The following THBS4 variants were observed in gnomAD, a reference collection of about 807,000 sequenced individuals.
THBS4 encodes thrombospondin 4.
A neutral mutation model predicts 115.7 loss-of-function variants in THBS4; 90 were observed. The ratio of observed to expected loss-of-function variants is 0.78; its 90% CI spans 0.66 to 0.93. The LOEUF (loss-of-function observed/expected upper bound fraction) is 0.93. Among genes scored for constraint, THBS4 ranks in the 40% least tolerant of loss-of-function variants. The pLI is 0.00. For missense variants in THBS4, 1,087 were observed against 1,232.7 expected (o/e 0.88, Z 1.77); for synonymous variants, 460 against 479.3 (o/e 0.96, Z 0.53).
intron 3 of THBS4, among the ~76,000 whole-genome samples, chr5:80,057,230 C>CAAAT (rs1361679346): frequency 6.6e-6 from 1 of 152,140 alleles, no homozygotes; most frequent in African/African-American, 2.4e-5. Context: ...TGTTCACCAC[C>CAAAT]AAATAAGTCA....
In THBS4 at chr5:80,040,098, C is replaced by G. The variant is rs1420838536; in HGVS notation, c.110C>G (p.Ser37Cys). The G allele has an allele frequency of 6.2e-7, 1 of 1,614,110 alleles. No individual in the cohort carries two copies. Among genetic ancestry groups the G allele is most frequent in the Non-Finnish European group, 8.5e-7 (1 of 1,180,026 alleles). The change falls in exon 2 of 22, where the codon TCC (serine) becomes TGC (cysteine). Residue 37 changes from serine (S) to cysteine (C), a missense_variant. Ser to Cys is a moderately radical substitution (Grantham distance 112). Around this residue, in one of 3 missense-constraint regions of THBS4, gnomAD observed 979 missense variants for 1,103.7 expected, o/e 0.89. Transcript: ENST00000350881. ...TPQVFDLLPS[S>C]SQRLNPGALL... ...CCAGTCTTTGACCTTCTCCCATCTT[C>G]CAGTCAGAGGCTAAACCCAGGCGCT...
rs749915300 is a variant in THBS4, at chr5:80,073,386, G to GTT, written c.1892+61_1892+62dup. 1.2e-3 allele frequency: 1,703 copies of GTT among 1,381,846 alleles called. 5 individuals carry two copies. Among genetic ancestry groups the GTT allele is most frequent in the East Asian group, 3.0e-3 (111 of 37,536 alleles). 85.6% of individuals were successfully genotyped at this position (1,381,846 alleles called of 1,614,324 possible). A position where few individuals can be genotyped will look rare whatever the true frequency, so the allele number is the denominator to read the frequency against. On this transcript the variant is annotated intron_variant, in intron 15 of 21. Transcript: ENST00000350881. ...TGCAAACATCCGGAGAGGGTTTTTG[G>GTT]TTTGTTTTTTTTTTTGAGGCGGAGT...
At chr5:80,046,731 C>T (rs543227354) in intron 2 of THBS4, among the ~76,000 whole-genome samples, 2 of 151,868 alleles carry the variant, frequency 1.3e-5, no homozygotes, top group African/African-American at 2.4e-5. Context: ...TAAAAAAGAA[C>T]GAGCTAGGTA....
chr5:80,058,493 T>C (rs1364707465), intron 4 of THBS4, among the ~76,000 whole-genome samples, 179 bp downstream of exon 4: 1 of 152,246 alleles, frequency 6.6e-6, no homozygotes, highest in Non-Finnish European at 1.5e-5. Context: ...TATGCTTTTA[T>C]TTTTATGATT....
intron 1 of THBS4, among the ~76,000 whole-genome samples, chr5:80,038,173 A>G (rs1283087339): frequency 1.3e-5 from 2 of 152,218 alleles, no homozygotes; most frequent in Non-Finnish European, 2.9e-5. Flanking sequence ...AAAATAAAAT[A>G]AAAAGAAAAG....
At chr5:80,049,501 A>G (rs544555885) in intron 2 of THBS4, among the ~76,000 whole-genome samples, 1 of 152,214 alleles carries the variant, frequency 6.6e-6, no homozygotes, top group Non-Finnish European at 1.5e-5. Flanking sequence ...CCAAATTGTC[A>G]ATTACACAAA....
At chr5:80,005,885 G>T (rs2077287009) in intron 2 of THBS4, among the ~76,000 whole-genome samples, 1 of 149,424 alleles carries the variant, frequency 6.7e-6, no homozygotes, top group African/African-American at 2.5e-5. Flanking sequence ...TCCTGCCTCA[G>T]CCTCCCAAGC....
chr5:80,071,247 G>A, intron 13 of THBS4, 67 bp downstream of exon 13: 1 of 1,520,516 alleles, frequency 6.6e-7, no homozygotes, highest in Non-Finnish European at 8.8e-7. Context: ...TTCTCTGAGA[G>A]AGTAGGAATA....
chr5:80,047,151 A>T (rs1262114096), intron 2 of THBS4, among the ~76,000 whole-genome samples: 2 of 152,222 alleles, frequency 1.3e-5, no homozygotes, highest in Non-Finnish European at 2.9e-5. Flanking sequence ...ATGAATGAAC[A>T]GATACTGTGA....
At chr5:79,991,358 G>C (rs1226604770) in exon 1 of THBS4, 1,488 of 717,458 alleles carry the variant, frequency 2.1e-3, no homozygotes, top group Middle Eastern at 4.3e-3. Flanking sequence ...AGAGATGAGA[G>C]AAACAACGAC....
At chr5:80,069,414 G>T (rs1181477061) in intron 10 of THBS4, among the ~76,000 whole-genome samples, 2 of 152,134 alleles carry the variant, frequency 1.3e-5, no homozygotes, top group Non-Finnish European at 2.9e-5. Flanking sequence ...CCTCATGGTT[G>T]GGCTTGTTTA....
At chr5:80,023,227 CCTTG>C (rs1832412735) in intron 2 of THBS4, among the ~76,000 whole-genome samples, 2 of 152,264 alleles carry the variant, frequency 1.3e-5, no homozygotes, top group South Asian at 4.1e-4. Context: ...CTGAACCAGC[CCTTG>C]AACTCTATTT....
chr5:80,078,961 T>G lies in THBS4; in HGVS notation c.2306T>G (p.Leu769Arg). ...IVQTMNSDPG[L>R]AVGYTAFNGV... is the part of the protein sequence containing the mutation. ...CAGACCATGAACAGTGATCCTGGCC[T>G]GGCAGTGGGTATGTCCAGGGCCTCA... is the stretch of plus-strand genomic sequence containing the variant. The change falls in exon 18 of 22, where the codon CTG becomes CGG. Residue 769 changes from leucine (L) to arginine (R), a missense_variant. Leu to Arg is a moderately radical substitution (Grantham distance 102, BLOSUM62 -2). This residue lies in a region of THBS4 where 979 missense variants were observed against 1,103.7 expected (regional missense o/e 0.89). Coordinates refer to ENST00000350881, the MANE Select transcript of THBS4 (RefSeq NM_003248.6). The G allele has an allele frequency of 6.2e-7, 1 of 1,614,184 alleles. No individual in the cohort carries two copies. The highest frequency in any genetic ancestry group is 8.5e-7 in the Non-Finnish European group (1 of 1,180,006).
rs1224036162 is a variant in THBS4 at position 80,078,143 on chromosome 5, G to A, written c.2181G>A (p.Leu727=). ...GCCCAGAGAACGCAGAGGTCACCCT[G>A]ACCGACTTCAGGGCTTACCAGACCG... ...DVCPENAEVT[L]TDFRAYQTVV... The change falls in exon 17 of 22, where the codon CTG becomes CTA. Residue 727 remains leucine, a synonymous_variant. Transcript: ENST00000350881. 1.2e-6 allele frequency: 2 copies of A among 1,612,506 alleles called. No homozygotes were observed. Among genetic ancestry groups the A allele is most frequent in the Non-Finnish European group, 1.7e-6 (2 of 1,179,156 alleles).
At chr5:80,016,623 A>G (rs556281388) in intron 2 of THBS4, among the ~76,000 whole-genome samples, 16 of 152,364 alleles carry the variant, frequency 1.1e-4, no homozygotes, top group African/African-American at 3.8e-4. Context: ...CAAATAATAT[A>G]CACATATTAT....
intron 2 of THBS4, among the ~76,000 whole-genome samples, chr5:80,045,223 T>C (rs1358683270): frequency 6.6e-6 from 1 of 152,190 alleles, no homozygotes; most frequent in African/African-American, 2.4e-5. Context: ...TGATGACAAT[T>C]TCACCTTTCA....
At chr5:80,056,887 T>A (rs981202602) in intron 3 of THBS4, among the ~76,000 whole-genome samples, 5 of 152,208 alleles carry the variant, frequency 3.3e-5, no homozygotes, top group African/African-American at 1.2e-4. Flanking sequence ...GAGCCCTTTG[T>A]ACAGAGAAGC....
intron 2 of THBS4, among the ~76,000 whole-genome samples, chr5:79,998,808 C>T (rs1392157134): frequency 6.6e-6 from 1 of 152,166 alleles, no homozygotes; most frequent in African/African-American, 2.4e-5. Context: ...AACCAGATGG[C>T]AGCTAAAAAT....
chr5:80,060,270 A>G lies in THBS4; in HGVS notation c.987+365A>G, dbSNP rs555227277. On this transcript the variant is annotated intron_variant, in intron 7 of 21. Coordinates refer to ENST00000350881, the MANE Select transcript of THBS4 (RefSeq NM_003248.6). The stretch of plus-strand genomic sequence containing the variant: ...GGAAGGGGAGGATTTTTCTAAGGGT[A>G]TATTTCAGGAGTCACCGTGGATTTC... Among the ~76,000 whole-genome samples the G allele has an allele frequency of 2.6e-5, 4 of 152,324 alleles. No homozygotes were observed. The East Asian group carries it at 7.7e-4, about 29-fold the overall frequency.
Sources: allele counts gnomAD v4.1 joint callset (sites outside exome capture counted in the v4.1 genomes callset), GRCh38; gene constraint gnomAD v4.1.1; regional missense constraint gnomAD v4.1.1; transcripts MANE v1.5; gene names NCBI Gene and HGNC (gene_info 2026-07-23, HGNC 2026-07-21).